ZCCHC24: variants seen among roughly 807,000 people sequenced by gnomAD.
The protein encoded by ZCCHC24 is zinc finger CCHC domain-containing protein 24.
Under a neutral mutation model 26.2 loss-of-function variants are expected in ZCCHC24, and 10 were observed. That is an observed-to-expected ratio of 0.38 (90% CI 0.24 to 0.65). The LOEUF (loss-of-function observed/expected upper bound fraction) is 0.65. ZCCHC24 is among the 30% of genes least tolerant of loss of function. ZCCHC24 has a pLI of 0.54. For missense variants in ZCCHC24, 243 were observed against 329.1 expected, an observed-to-expected ratio of 0.74 and a Z score of 2.03; for synonymous variants, 144 against 147.1, an observed-to-expected ratio of 0.98 and a Z score of 0.15.
chr10:79,425,682 C>G (rs1271402854), intron 2 of ZCCHC24, among the ~76,000 whole-genome samples: 1 of 152,168 alleles, frequency 6.6e-6, no homozygotes, highest in Admixed American at 6.5e-5. Context: ...TTGAAGATCA[C>G]TATAGTACCT....
chr10:79,431,177 G>C (rs1857121830), intron 2 of ZCCHC24, among the ~76,000 whole-genome samples: 1 of 152,230 alleles, frequency 6.6e-6, no homozygotes, highest in Non-Finnish European at 1.5e-5. Flanking sequence ...GGGCCCCTGT[G>C]CTGGGGCTCA....
At position 79,386,321 on chromosome 10, in the gene ZCCHC24, C is replaced by T; in HGVS notation, c.*24G>A. 3.1e-6 allele frequency: 5 copies of T among 1,606,786 alleles called. No homozygotes were observed. The highest frequency in any genetic ancestry group is 4.3e-6 in the Non-Finnish European group (5 of 1,176,398). Reference sequence around the variant, plus strand: ...GTCTCCTCGGGCTGGCGGGGGGTGGCTCTGGGTGCGGGCGGGCAGCCCGTC... The same window carrying T: ...GTCTCCTCGGGCTGGCGGGGGGTGGTTCTGGGTGCGGGCGGGCAGCCCGTC... On this transcript the variant is annotated 3_prime_UTR_variant, in exon 4 of 4. Transcript: ENST00000372336.
intron 2 of ZCCHC24, among the ~76,000 whole-genome samples, chr10:79,428,405 A>AAGATAAATTTCAGTTTTGCAAGAT: frequency 3.2e-5 from 1 of 31,138 alleles, no homozygotes; most frequent in South Asian, 5.5e-4. Context: ...TCAGTTTTGC[A>AAGATAAATTTCAGTTTTGCAAGAT]AGATAAATTT....
intron 1 of ZCCHC24, among the ~76,000 whole-genome samples, chr10:79,438,739 A>G (rs575005754): frequency 6.6e-6 from 1 of 152,340 alleles, no homozygotes; most frequent in African/African-American, 2.4e-5. Flanking sequence ...AGAGAGAAAT[A>G]GGGAAAGGAC....
At chr10:79,425,319 C>T (rs1325096453) in intron 2 of ZCCHC24, among the ~76,000 whole-genome samples, 1 of 152,230 alleles carries the variant, frequency 6.6e-6, no homozygotes, top group African/African-American at 2.4e-5. Context: ...CTGGCAATCC[C>T]AACCCACTCC....
rs1222628520 is a variant in ZCCHC24, at chr10:79,445,266, G to A, written c.175C>T (p.Arg59Cys). 6.9e-7 allele frequency: 1 copy of A among 1,449,488 alleles called. No individual in the cohort carries two copies. The allele number at this position is 1,449,488 out of a possible 1,614,324, so 89.8% of individuals were successfully genotyped here. ...AGGGGCGAGCCCAGCTGCTCGGGGCGGCCCTTGCCGAAGGCCAGCTCCGGG... is the reference window on the plus strand; with the variant it reads ...AGGGGCGAGCCCAGCTGCTCGGGGCAGCCCTTGCCGAAGGCCAGCTCCGGG... ...APPELAFGKGRPEQLGSPLHS... is the reference protein window; with the variant it reads ...APPELAFGKGCPEQLGSPLHS... The change falls in exon 1 of 4, where the codon CGC becomes TGC. Residue 59 changes from arginine to cysteine, a missense_variant. Physicochemically the swap from Arg to Cys is radical, Grantham distance 180. Transcript: ENST00000372336.
chr10:79,394,581 C>G, intron 2 of ZCCHC24, 141 bp from the exon 3 acceptor site: 1 of 1,430,502 alleles, frequency 7.0e-7, no homozygotes, highest in Non-Finnish European at 9.1e-7. Flanking sequence ...CTAGATAATA[C>G]CAGGGTCATC....
chr10:79,410,646 A>G (rs2132194249), intron 2 of ZCCHC24, among the ~76,000 whole-genome samples: 1 of 152,262 alleles, frequency 6.6e-6, no homozygotes, highest in East Asian at 1.9e-4. Flanking sequence ...ATATCAGCCC[A>G]GGAGTATGGG....
chr10:79,394,269 G>C lies in ZCCHC24; in HGVS notation c.612+7C>G. On this transcript the variant is annotated splice_region_variant and intron_variant, in intron 3 of 3. Coordinates refer to ENST00000372336, the MANE Select transcript of ZCCHC24 (RefSeq NM_153367.4). ...CTTCTGAGAAGGCCCCAGCCTGCCC[G>C]GCTCACCTGCTTGTGTGGATACACG... The C allele has an allele frequency of 6.2e-7, 1 of 1,612,310 alleles. No individual in the cohort carries two copies. The highest frequency in any genetic ancestry group is 8.5e-7 in the Non-Finnish European group (1 of 1,178,848).
chr10:79,408,324 C>T (rs575364741), intron 2 of ZCCHC24, among the ~76,000 whole-genome samples: 1 of 152,276 alleles, frequency 6.6e-6, no homozygotes, highest in South Asian at 2.1e-4. Context: ...TCAGGGACTA[C>T]CCAGGTTAGG....
At chr10:79,437,695 G>C (rs1191520195) in intron 1 of ZCCHC24, among the ~76,000 whole-genome samples, 1 of 152,246 alleles carries the variant, frequency 6.6e-6, no homozygotes, top group African/African-American at 2.4e-5. Context: ...TGAAGGACCA[G>C]TGTCTCTGCG....
intron 3 of ZCCHC24, among the ~76,000 whole-genome samples, chr10:79,390,736 C>CAGTG (rs1165546722): frequency 1.3e-5 from 2 of 152,210 alleles, no homozygotes; most frequent in East Asian, 3.8e-4. Context: ...AGGCAAGGCC[C>CAGTG]AGTGGTGTTT....
intron 2 of ZCCHC24, among the ~76,000 whole-genome samples, chr10:79,423,286 C>T (rs943561233): frequency 2.6e-5 from 4 of 152,164 alleles, no homozygotes; most frequent in Non-Finnish European, 4.4e-5. Flanking sequence ...CATGGAGGCT[C>T]ATGCCTGTAA....
intron 3 of ZCCHC24, among the ~76,000 whole-genome samples, chr10:79,387,846 G>A (rs1856421858): frequency 6.6e-6 from 1 of 152,238 alleles, no homozygotes; most frequent in African/African-American, 2.4e-5. Context: ...ACTGTGGTGG[G>A]AGGGTTCTGA....
At chr10:79,425,232 A>T (rs542119002) in intron 2 of ZCCHC24, among the ~76,000 whole-genome samples, 1 of 152,184 alleles carries the variant, frequency 6.6e-6, no homozygotes, top group Non-Finnish European at 1.5e-5. Context: ...ACGAGATACC[A>T]GGCGACCCTG....
At chr10:79,388,797 C>A (rs1856434012) in intron 3 of ZCCHC24, among the ~76,000 whole-genome samples, 1 of 151,888 alleles carries the variant, frequency 6.6e-6, no homozygotes, top group Non-Finnish European at 1.5e-5. Context: ...CACCACCTCC[C>A]TGTGAGTGGC....
intron 2 of ZCCHC24, among the ~76,000 whole-genome samples, chr10:79,423,951 G>A (rs536105630): frequency 6.6e-6 from 1 of 151,282 alleles, no homozygotes; most frequent in Non-Finnish European, 1.5e-5. Flanking sequence ...CCAAAAAGTG[G>A]AGGTTGCAGT....
Position 79,404,343 on chromosome 10 carries a change from C to T in ZCCHC24, c.448-9903G>A, listed in dbSNP as rs117184086. Among the ~76,000 whole-genome samples the T allele has an allele frequency of 9.2e-5, 14 of 152,338 alleles. 1 individual carries two copies. In the East Asian group the frequency reaches 2.7e-3, roughly 29 times the overall value. Reference sequence around the variant, plus strand: ...GACATTTTAATCACATGAACAGCCACTCCCTAAGTTATCTGTTTCCTGCTC... The same window carrying T: ...GACATTTTAATCACATGAACAGCCATTCCCTAAGTTATCTGTTTCCTGCTC... On this transcript the variant is annotated intron_variant, in intron 2 of 3. Coordinates refer to ENST00000372336, the MANE Select transcript of ZCCHC24 (RefSeq NM_153367.4).
At chr10:79,426,572 GT>G (rs563317654) in intron 2 of ZCCHC24, among the ~76,000 whole-genome samples, 27 of 152,266 alleles carry the variant, frequency 1.8e-4, no homozygotes, top group African/African-American at 6.5e-4. Context: ...CTACATAGGA[GT>G]AACATTTCTC....
Sources: gnomAD v4.1 joint callset for allele counts (sites outside exome capture counted in the v4.1 genomes callset) on GRCh38, gnomAD v4.1.1 for gene constraint, MANE v1.5 for transcripts, NCBI Gene and HGNC (gene_info 2026-07-23, HGNC 2026-07-21) for gene names.